FMN1: variants seen among roughly 807,000 people sequenced by gnomAD.
The protein encoded by FMN1 is formin-1.
A neutral mutation model predicts 132.4 loss-of-function variants in FMN1; 110 were observed. The ratio of observed to expected loss-of-function variants is 0.83; its 90% CI spans 0.71 to 0.97. The LOEUF (loss-of-function observed/expected upper bound fraction) is 0.97. Ranked by LOEUF, FMN1 falls within the 50% of genes least tolerant of loss-of-function variation. The pLI, the probability that FMN1 is intolerant of heterozygous loss-of-function variation, is 0.00. For synonymous variants in FMN1, 722 were observed against 651.7 expected (o/e 1.11, Z -1.64); for missense variants, 1,792 against 1,705.3 (o/e 1.05, Z -0.90).
At chr15:32,816,886 T>A (rs939268576) in intron 17 of FMN1, among the ~76,000 whole-genome samples, 1 of 152,244 alleles carries the variant, frequency 6.6e-6, no homozygotes, top group Non-Finnish European at 1.5e-5. Context: ...ACATATTTTT[T>A]ACAAATTGTT....
intron 6 of FMN1, among the ~76,000 whole-genome samples, chr15:33,051,921 G>A (rs1353908498): frequency 6.6e-6 from 1 of 152,184 alleles, no homozygotes; most frequent in African/African-American, 2.4e-5. Flanking sequence ...CCTGTTCTAA[G>A]TGTATTTTAC....
chr15:32,889,060 G>A (rs570130559), intron 15 of FMN1, among the ~76,000 whole-genome samples: 53 of 152,164 alleles, frequency 3.5e-4, no homozygotes, highest in Admixed American at 2.9e-3. Flanking sequence ...TCACCATGTT[G>A]CCTAGGCTGG....
At chr15:32,900,384 A>G (rs1301794130) in intron 13 of FMN1, 4 of 604,390 alleles carry the variant, frequency 6.6e-6, no homozygotes, top group African/African-American at 1.8e-5. Flanking sequence ...TATTGGTTTT[A>G]TATTTTCATT....
chr15:33,046,369 C>G (rs944108530), intron 6 of FMN1, among the ~76,000 whole-genome samples: 2 of 152,154 alleles, frequency 1.3e-5, no homozygotes, highest in Middle Eastern at 3.2e-3. Context: ...TTAGTCTCAT[C>G]TAGGGATGCC....
At chr15:33,128,717 G>A (rs1184745377) in intron 4 of FMN1, among the ~76,000 whole-genome samples, 1 of 151,724 alleles carries the variant, frequency 6.6e-6, no homozygotes, top group Non-Finnish European at 1.5e-5. Context: ...CTCACGGTAA[G>A]TGTGACAGCT....
intron 7 of FMN1, among the ~76,000 whole-genome samples, chr15:32,977,672 CTT>C (rs1429032885): frequency 6.6e-6 from 1 of 152,164 alleles, no homozygotes; most frequent in Admixed American, 6.5e-5. Flanking sequence ...TCTCGTATCA[CTT>C]TGTTTCAAAG....
chr15:33,152,948 T>C, intron 4 of FMN1, 100 bp downstream of exon 4: 1 of 1,192,258 alleles, frequency 8.4e-7, no homozygotes, highest in Non-Finnish European at 1.1e-6. Flanking sequence ...CTAGGAATTT[T>C]GGTCCATTGT....
At chr15:33,050,973 T>C (rs887019475) in intron 6 of FMN1, among the ~76,000 whole-genome samples, 31 of 152,230 alleles carry the variant, frequency 2.0e-4, no homozygotes, top group African/African-American at 7.5e-4. Flanking sequence ...TTTTATAGTA[T>C]GACCCCACTT....
At chr15:33,097,082 T>C (rs2039113487) in intron 4 of FMN1, among the ~76,000 whole-genome samples, 1 of 151,906 alleles carries the variant, frequency 6.6e-6, no homozygotes, top group East Asian at 1.9e-4. Context: ...TCACTTAAGC[T>C]CACGAGTTCA....
At chr15:32,888,072 C>T in intron 16 of FMN1, 100 bp downstream of exon 16, 1 of 1,039,452 alleles carries the variant, frequency 9.6e-7, no homozygotes, top group Non-Finnish European at 1.3e-6. Context: ...CTGAACTCTG[C>T]ACCAATCCCA....
chr15:32,961,155 C>T (rs1183311355), intron 9 of FMN1, among the ~76,000 whole-genome samples: 11 of 146,194 alleles, frequency 7.5e-5, no homozygotes, highest in Admixed American at 4.8e-4. Flanking sequence ...TTTTTTTAGA[C>T]GGAGTTTTGC....
chr15:33,160,176 G>C (rs1467913826), intron 3 of FMN1, among the ~76,000 whole-genome samples: 2 of 152,040 alleles, frequency 1.3e-5, no homozygotes, highest in Non-Finnish European at 2.9e-5. Context: ...ACCATACGAA[G>C]GGCTTTGAAA....
intron 19 of FMN1, among the ~76,000 whole-genome samples, chr15:32,794,619 G>C (rs929605465): frequency 6.6e-6 from 1 of 152,178 alleles, no homozygotes; most frequent in Non-Finnish European, 1.5e-5. Flanking sequence ...AGCCAATAAA[G>C]GTATCAGCAA....
chr15:33,051,392 T>C (rs1488486991), intron 6 of FMN1, among the ~76,000 whole-genome samples: 2 of 152,156 alleles, frequency 1.3e-5, no homozygotes, highest in Admixed American at 1.3e-4. Context: ...CCTGGTTCTG[T>C]TGTTACAGTA....
At chr15:33,180,458 G>A (rs1292121081) in intron 2 of FMN1, among the ~76,000 whole-genome samples, 196 bp from the exon 3 acceptor site, 1 of 152,090 alleles carries the variant, frequency 6.6e-6, no homozygotes, top group African/African-American at 2.4e-5. Flanking sequence ...TCTTCCGTGA[G>A]ATAACCCTAA....
intron 5 of FMN1, among the ~76,000 whole-genome samples, chr15:33,075,902 T>C (rs942481319): frequency 1.2e-4 from 19 of 152,198 alleles, no homozygotes; most frequent in Non-Finnish European, 2.5e-4. Context: ...TGCTGCTTCA[T>C]TACAAATGAA....
intron 7 of FMN1, among the ~76,000 whole-genome samples, chr15:32,998,581 GA>G (rs979467616): frequency 2.0e-5 from 3 of 152,160 alleles, no homozygotes; most frequent in African/African-American, 7.2e-5. Flanking sequence ...TGGAGAGAAG[GA>G]AACACTCCCC....
intron 7 of FMN1, among the ~76,000 whole-genome samples, chr15:32,997,458 A>T (rs1236767797): frequency 2.0e-5 from 3 of 152,118 alleles, no homozygotes; most frequent in African/African-American, 7.2e-5. Context: ...ATACATATCA[A>T]ATTTAGAAAC....
intron 4 of FMN1, chr15:33,150,018 A>G (rs1964380263): frequency 2.0e-6 from 2 of 985,318 alleles, no homozygotes; most frequent in Non-Finnish European, 2.4e-6. Context: ...TCAGTTCTCA[A>G]TATCAGGAAG....
Sources: gnomAD v4.1 joint callset for allele counts (sites outside exome capture counted in the v4.1 genomes callset) on GRCh38, gnomAD v4.1.1 for gene constraint, MANE v1.5 for transcripts, NCBI Gene and HGNC (gene_info 2026-07-23, HGNC 2026-07-21) for gene names.